Variants in HOOK3 observed in about 807,000 individuals in gnomAD.
HOOK3 encodes the protein hook microtubule tethering protein 3, also known as protein Hook homolog 3.
HOOK3 carries 24 observed loss-of-function variants against 116.3 expected under a neutral mutation model. The observed-to-expected ratio is 0.21, with a 90% confidence interval of 0.15 to 0.29. HOOK3 has a LOEUF of 0.29. Among genes scored for constraint, HOOK3 ranks in the 10% least tolerant of loss-of-function variants. The probability of loss-of-function intolerance (pLI) is 1.00; values close to 1 mark genes in which losing one functional copy is unlikely to be tolerated. For missense variants in HOOK3, 632 were observed against 830.2 expected (o/e 0.76, Z 2.93); for synonymous variants, 275 against 283.0 (o/e 0.97, Z 0.28).
chr8:42,941,340 C>T (rs1288559046), intron 4 of HOOK3, among the ~76,000 whole-genome samples: 2 of 150,142 alleles, frequency 1.3e-5, no homozygotes, highest in African/African-American at 2.4e-5. Context: ...ACGGTGAAAC[C>T]CCATCTCTAC....
intron 2 of HOOK3, among the ~76,000 whole-genome samples, chr8:42,909,367 A>T (rs1254086158): frequency 2.6e-5 from 4 of 152,240 alleles, no homozygotes; most frequent in African/African-American, 7.2e-5. Context: ...GCATTATTCA[A>T]GGTACCCAAT....
intron 4 of HOOK3, among the ~76,000 whole-genome samples, chr8:42,942,310 AC>A (rs1427913991): frequency 6.6e-6 from 1 of 152,170 alleles, no homozygotes; most frequent in Non-Finnish European, 1.5e-5. Flanking sequence ...AACCCCTATT[AC>A]TTTTTCATTG....
At chr8:42,966,730 A>G (rs954993721) in intron 10 of HOOK3, 117 bp downstream of exon 10, 4 of 1,027,900 alleles carry the variant, frequency 3.9e-6, no homozygotes, top group Non-Finnish European at 4.3e-6. Context: ...TCCCGGGTCT[A>G]CTGCTTATGC....
intron 17 of HOOK3, among the ~76,000 whole-genome samples, chr8:43,005,182 T>TCG (rs1563312457): frequency 2.3e-5 from 1 of 43,570 alleles, no homozygotes; most frequent in South Asian, 1.0e-3. Context: ...AATTAAGTGC[T>TCG]CTCTCTCTCT....
chr8:42,915,358 C>G (rs1807510174), intron 2 of HOOK3, among the ~76,000 whole-genome samples: 1 of 152,108 alleles, frequency 6.6e-6, no homozygotes, highest in African/African-American at 2.4e-5. Flanking sequence ...GAGCTGGACT[C>G]TGTCTCAAAA....
intron 4 of HOOK3, among the ~76,000 whole-genome samples, chr8:42,933,017 C>G (rs1807901096): frequency 6.6e-6 from 1 of 152,158 alleles, no homozygotes; most frequent in Non-Finnish European, 1.5e-5. Flanking sequence ...TATATTTAAA[C>G]ATTTTGCAAA....
At chr8:42,990,541 A>G (rs1291388773) in intron 15 of HOOK3, among the ~76,000 whole-genome samples, 1 of 151,334 alleles carries the variant, frequency 6.6e-6, no homozygotes, top group Admixed American at 6.6e-5. Flanking sequence ...GGGTTTCGCC[A>G]TGTTGCCCAG....
intron 2 of HOOK3, among the ~76,000 whole-genome samples, chr8:42,924,603 T>G (rs1807727036): frequency 6.6e-6 from 1 of 152,164 alleles, no homozygotes; most frequent in Non-Finnish European, 1.5e-5. Flanking sequence ...ACCTTTGAAG[T>G]ATTAGGTGGT....
rs1809247483 is a variant in HOOK3 at position 42,995,466 on chromosome 8, C to T, written c.1533-2084C>T. 1.3e-5 allele frequency among the ~76,000 whole-genome samples: 2 copies of T among 152,192 alleles called. 1 individual carries two copies. The highest frequency in any genetic ancestry group is 4.1e-4 in the South Asian group (2 of 4,828). On this transcript the variant is annotated intron_variant, in intron 15 of 21. Transcript: ENST00000307602. The stretch of plus-strand genomic sequence containing the variant: ...TTCAATAATACCCATCTCTTACATT[C>T]TCTCTCATTCTCTGATATTCTTCAG...
At chr8:42,956,748 C>A (rs1465547075) in intron 6 of HOOK3, among the ~76,000 whole-genome samples, 1 of 152,090 alleles carries the variant, frequency 6.6e-6, no homozygotes, top group African/African-American at 2.4e-5. Context: ...CCATGCCCAG[C>A]TAATTTTTGT....
At chr8:42,950,569 CT>C in intron 6 of HOOK3, 114 bp downstream of exon 6, 2 of 598,586 alleles carry the variant, frequency 3.3e-6, no homozygotes, top group Non-Finnish European at 5.8e-6. Context: ...AGAGTTTTTA[CT>C]TTGCATTTAT....
At chr8:42,935,524 G>A (rs1163957290) in intron 4 of HOOK3, among the ~76,000 whole-genome samples, 4 of 152,098 alleles carry the variant, frequency 2.6e-5, no homozygotes, top group Non-Finnish European at 4.4e-5. Flanking sequence ...ATGGTTTTAG[G>A]TCTTACATTT....
intron 19 of HOOK3, among the ~76,000 whole-genome samples, chr8:43,010,994 A>G (rs1009662065): frequency 1.4e-4 from 21 of 150,398 alleles, no homozygotes; most frequent in Admixed American, 6.6e-5. Context: ...AAGGGGGTCC[A>G]TTTTCTTTTT....
intron 13 of HOOK3, among the ~76,000 whole-genome samples, chr8:42,974,643 G>T (rs557650149): frequency 6.6e-6 from 1 of 152,210 alleles, no homozygotes; most frequent in Admixed American, 6.5e-5. Context: ...GCTCCTCCTC[G>T]CAAAGCCCGG....
intron 16 of HOOK3, 101 bp from the exon 17 acceptor site, chr8:43,002,006 A>C: frequency 1.4e-6 from 1 of 732,518 alleles, no homozygotes; most frequent in Non-Finnish European, 2.3e-6. Flanking sequence ...AATTACTGAA[A>C]GCTCACTCAA....
intron 17 of HOOK3, among the ~76,000 whole-genome samples, chr8:43,004,695 A>AG (rs1353264683): frequency 1.4e-5 from 2 of 147,796 alleles, no homozygotes; most frequent in African/African-American, 5.3e-5. Flanking sequence ...AAAAAAAAAA[A>AG]AAAAAAACTA....
intron 15 of HOOK3, among the ~76,000 whole-genome samples, chr8:42,993,166 G>C (rs1027858104): frequency 6.6e-6 from 1 of 152,126 alleles, no homozygotes; most frequent in African/African-American, 2.4e-5. Flanking sequence ...AATCCCATTT[G>C]GTCATAATAA....
chr8:42,930,371 ATAGG>A (rs1315983530), intron 4 of HOOK3, among the ~76,000 whole-genome samples, 199 bp downstream of exon 4: 1 of 152,202 alleles, frequency 6.6e-6, no homozygotes, highest in Non-Finnish European at 1.5e-5. Flanking sequence ...TCACTGTATT[ATAGG>A]TAGTTTGTAG....
chr8:43,005,839 G>C (rs1453421619), intron 17 of HOOK3, among the ~76,000 whole-genome samples: 2 of 147,068 alleles, frequency 1.4e-5, no homozygotes, highest in African/African-American at 5.0e-5. Context: ...GGGATTACAG[G>C]CCCCCCCCCA....
Sources: allele counts gnomAD v4.1 joint callset (sites outside exome capture counted in the v4.1 genomes callset), GRCh38; gene constraint gnomAD v4.1.1; transcripts MANE v1.5; gene names NCBI Gene and HGNC (gene_info 2026-07-23, HGNC 2026-07-21).